Variants in NKAIN2 observed in about 807,000 individuals in gnomAD.
NKAIN2 encodes sodium/potassium transporting ATPase interacting 2.
A neutral mutation model predicts 32.6 loss-of-function variants in NKAIN2; 14 were observed. That is an observed-to-expected ratio of 0.43 (90% CI 0.28 to 0.67). NKAIN2 has a LOEUF of 0.67. Ranked by LOEUF, NKAIN2 falls within the 30% of genes least tolerant of loss-of-function variation. The pLI is 0.17. For missense variants in NKAIN2, 198 were observed against 258.3 expected, an observed-to-expected ratio of 0.77 and a Z score of 1.60; for synonymous variants, 80 against 87.2, an observed-to-expected ratio of 0.92 and a Z score of 0.46.
chr6:124,361,542 A>G (rs777548504), intron 3 of NKAIN2, among the ~76,000 whole-genome samples: 11 of 152,032 alleles, frequency 7.2e-5, no homozygotes, highest in Non-Finnish European at 1.6e-4. Flanking sequence ...CTCAGATTTC[A>G]CTATAGTAAC....
intron 6 of NKAIN2, among the ~76,000 whole-genome samples, chr6:124,819,760 T>C (rs1050473622): frequency 6.6e-6 from 1 of 152,162 alleles, no homozygotes; most frequent in African/African-American, 2.4e-5. Flanking sequence ...CTCTTAATAA[T>C]GTTTGAGTCC....
intron 1 of NKAIN2, among the ~76,000 whole-genome samples, chr6:123,833,544 A>G (rs1774472893): frequency 6.6e-6 from 1 of 151,986 alleles, no homozygotes; most frequent in Non-Finnish European, 1.5e-5. Context: ...ATTGTTTCCT[A>G]TTCCTATTCA....
chr6:123,850,787 T>C (rs1360764021), intron 1 of NKAIN2, among the ~76,000 whole-genome samples: 1 of 152,210 alleles, frequency 6.6e-6, no homozygotes. Context: ...CAGATTGTTA[T>C]TAACTGTAGT....
intron 3 of NKAIN2, among the ~76,000 whole-genome samples, chr6:124,442,465 C>T (rs1253952320): frequency 1.3e-5 from 2 of 152,044 alleles, no homozygotes; most frequent in Non-Finnish European, 1.5e-5. Context: ...ACCTCCCTCC[C>T]ATTCAGCCAT....
chr6:124,398,218 A>T (rs1773473503), intron 3 of NKAIN2, among the ~76,000 whole-genome samples: 1 of 130,898 alleles, frequency 7.6e-6, no homozygotes, highest in Non-Finnish European at 1.6e-5. Flanking sequence ...GCGCCACTGC[A>T]CTCCAGCCTG....
intron 3 of NKAIN2, among the ~76,000 whole-genome samples, chr6:124,455,241 A>C (rs1776273887): frequency 6.6e-6 from 1 of 152,038 alleles, no homozygotes; most frequent in African/African-American, 2.4e-5. Flanking sequence ...AGAAATAGTC[A>C]CTATAAAGAT....
At chr6:124,360,578 A>G (rs980002745) in intron 3 of NKAIN2, among the ~76,000 whole-genome samples, 4 of 152,176 alleles carry the variant, frequency 2.6e-5, no homozygotes, top group Non-Finnish European at 2.9e-5. Flanking sequence ...ACATATTTTA[A>G]TTACAGTGTC....
chr6:124,318,764 G>C (rs902295813), intron 2 of NKAIN2, among the ~76,000 whole-genome samples: 5 of 151,904 alleles, frequency 3.3e-5, no homozygotes, highest in African/African-American at 1.2e-4. Context: ...CAGCCATTCA[G>C]GGGAACACAT....
intron 2 of NKAIN2, among the ~76,000 whole-genome samples, chr6:124,314,103 G>A (rs2208345): frequency 0.28 from 43,005 of 151,802 alleles, 7,871 homozygotes; most frequent in African/African-American, 0.51. Flanking sequence ...TAGGGAGCAC[G>A]GGTGGATTGG....
At chr6:123,812,781 A>G (rs1441620994) in intron 1 of NKAIN2, among the ~76,000 whole-genome samples, 4 of 152,216 alleles carry the variant, frequency 2.6e-5, no homozygotes, top group African/African-American at 9.7e-5. Flanking sequence ...TTTTTAATCA[A>G]TGCATTACAC....
intron 1 of NKAIN2, among the ~76,000 whole-genome samples, chr6:124,079,304 C>T (rs1055258042): frequency 2.0e-5 from 3 of 152,000 alleles, no homozygotes; most frequent in South Asian, 4.1e-4. Context: ...GGCGACAGAA[C>T]GAGACTCTGT....
intron 1 of NKAIN2, among the ~76,000 whole-genome samples, chr6:124,178,397 A>C (rs1290552566): frequency 6.6e-6 from 1 of 151,008 alleles, no homozygotes; most frequent in Non-Finnish European, 1.5e-5. Context: ...TCCTGGGTTC[A>C]CGCCATTCTC....
intron 2 of NKAIN2, among the ~76,000 whole-genome samples, chr6:124,288,791 T>C (rs1795674916): frequency 6.6e-6 from 1 of 152,168 alleles, no homozygotes; most frequent in Non-Finnish European, 1.5e-5. Context: ...TTTATTTCTA[T>C]GTAATTGAAT....
intron 2 of NKAIN2, among the ~76,000 whole-genome samples, chr6:124,299,807 G>A (rs965446926): frequency 3.9e-5 from 6 of 152,154 alleles, no homozygotes; most frequent in African/African-American, 1.4e-4. Context: ...AAAATGTATG[G>A]AAATGTTCAA....
chr6:124,021,432 A>G (rs1385600603), intron 1 of NKAIN2, among the ~76,000 whole-genome samples: 2 of 151,976 alleles, frequency 1.3e-5, no homozygotes, highest in Admixed American at 6.6e-5. Context: ...GTCTAGTAAT[A>G]ATTATTACCT....
chr6:123,847,150 T>C (rs1178569419), intron 1 of NKAIN2, among the ~76,000 whole-genome samples: 1 of 152,238 alleles, frequency 6.6e-6, no homozygotes, highest in African/African-American at 2.4e-5. Flanking sequence ...TGAACACGTG[T>C]ATATTTTTAA....
chr6:124,696,741 T>C (rs11750971), intron 4 of NKAIN2, among the ~76,000 whole-genome samples: 1,840 of 151,298 alleles, frequency 0.012, 22 homozygotes, highest in Non-Finnish European at 0.017. Flanking sequence ...CTTGATTGTA[T>C]AAATTTACAA....
In NKAIN2 at chr6:124,408,580, T is replaced by C. The variant is rs575059664; in HGVS notation, c.273+53233T>C. ...TATGTCTGTTTTGGTACCAGTACCA[T>C]GCTGTTTTGGTTACTGTAGCCTTGT... On this transcript the variant is annotated intron_variant, in intron 3 of 6. Coordinates refer to ENST00000368417, the MANE Select transcript of NKAIN2 (RefSeq NM_001040214.3). Among the ~76,000 whole-genome samples the C allele has an allele frequency of 4.9e-3, 745 of 152,328 alleles. 4 individuals are homozygous for C. The highest frequency in any genetic ancestry group is 0.01 in the Middle Eastern group (3 of 294).
chr6:124,617,928 TG>T (rs1782967524), intron 3 of NKAIN2, among the ~76,000 whole-genome samples: 1 of 152,218 alleles, frequency 6.6e-6, no homozygotes, highest in African/African-American at 2.4e-5. Context: ...TACCTGGGCT[TG>T]CTTAAGGAAC....
Sources: allele counts gnomAD v4.1 joint callset (sites outside exome capture counted in the v4.1 genomes callset), GRCh38; gene constraint gnomAD v4.1.1; transcripts MANE v1.5; gene names NCBI Gene and HGNC (gene_info 2026-07-23, HGNC 2026-07-21).